The following ADAMTSL3 variants were observed in gnomAD, a reference collection of about 807,000 sequenced individuals.
ADAMTSL3 encodes ADAMTS like 3.
A neutral mutation model predicts 201.7 loss-of-function variants in ADAMTSL3; 128 were observed. That is an observed-to-expected ratio of 0.63 (90% CI 0.55 to 0.73). The LOEUF (loss-of-function observed/expected upper bound fraction) is 0.73, where lower values mean the gene tolerates loss of function less well. Among genes scored for constraint, ADAMTSL3 ranks in the 30% least tolerant of loss-of-function variants. ADAMTSL3 has a pLI of 0.00. For synonymous variants in ADAMTSL3, 738 were observed against 748.4 expected (o/e 0.99, Z 0.23); for missense variants, 1,990 against 2,119.6 (o/e 0.94, Z 1.20).
At chr15:83,839,646 A>G (rs1471205035) in intron 7 of ADAMTSL3, among the ~76,000 whole-genome samples, 1 of 152,282 alleles carries the variant, frequency 6.6e-6, no homozygotes, top group Middle Eastern at 3.4e-3. Flanking sequence ...GCCTTGATCT[A>G]GGGTAGCGTG....
At chr15:83,819,523 A>G (rs1366327812) in intron 5 of ADAMTSL3, among the ~76,000 whole-genome samples, 2 of 152,304 alleles carry the variant, frequency 1.3e-5, no homozygotes, top group African/African-American at 4.8e-5. Context: ...AAAGTTTGCC[A>G]TCTAAGTCTT....
At chr15:83,964,726 T>C (rs1483406629) in intron 19 of ADAMTSL3, among the ~76,000 whole-genome samples, 1 of 152,120 alleles carries the variant, frequency 6.6e-6, no homozygotes, top group African/African-American at 2.4e-5. Flanking sequence ...AATCGTCAGA[T>C]TTACCATGAT....
chr15:83,786,556 T>C (rs2063266339), intron 4 of ADAMTSL3, among the ~76,000 whole-genome samples: 1 of 152,222 alleles, frequency 6.6e-6, no homozygotes. Flanking sequence ...ATTCATTCTA[T>C]TGAACTATGT....
chr15:83,983,067 C>T lies in ADAMTSL3; in HGVS notation c.3439C>T (p.Pro1147Ser). ...QWRGIQEETP[P>S]AAQLRGETGS... is the part of the protein sequence containing the mutation. ...GCGGGGCATCCAGGAAGAGACACCT[C>T]CTGCTGCTCAGCTCAGAGGGGAAAC... The change falls in exon 21 of 30, where the codon CCT becomes TCT. Residue 1147 changes from proline to serine, a missense_variant. By Grantham distance (74) the Pro-to-Ser change is moderately conservative (BLOSUM62 -1). Coordinates refer to ENST00000286744, the MANE Select transcript of ADAMTSL3 (RefSeq NM_207517.3). 2 of 1,614,148 alleles carry T rather than the reference C, an allele frequency of 1.2e-6. No individual in the cohort carries two copies. The highest frequency in any genetic ancestry group is 1.7e-6 in the Non-Finnish European group (2 of 1,180,028).
At chr15:83,728,444 C>T (rs1458478203) in intron 3 of ADAMTSL3, among the ~76,000 whole-genome samples, 1 of 150,988 alleles carries the variant, frequency 6.6e-6, no homozygotes, top group African/African-American at 2.4e-5. Context: ...TTCCTATTTT[C>T]TTTTTAGTGA....
At chr15:83,721,847 T>A (rs1596087982) in intron 3 of ADAMTSL3, among the ~76,000 whole-genome samples, 1 of 152,082 alleles carries the variant, frequency 6.6e-6, no homozygotes, top group African/African-American at 2.4e-5. Context: ...ATTCTCCTAC[T>A]TCAGCCTCCT....
chr15:83,704,025 A>AAG (rs2141502466), intron 2 of ADAMTSL3, among the ~76,000 whole-genome samples: 1 of 151,388 alleles, frequency 6.6e-6, no homozygotes, highest in African/African-American at 2.4e-5. Context: ...AAAACACAAA[A>AAG]GGAAGAAGAA....
intron 20 of ADAMTSL3, among the ~76,000 whole-genome samples, chr15:83,973,537 A>C (rs754002780): frequency 6.6e-6 from 1 of 152,186 alleles, no homozygotes; most frequent in Non-Finnish European, 1.5e-5. Context: ...CACCGTGCTA[A>C]TTTGATATGT....
At chr15:83,826,913 A>T (rs922589971) in intron 6 of ADAMTSL3, among the ~76,000 whole-genome samples, 6 of 151,994 alleles carry the variant, frequency 3.9e-5, no homozygotes, top group African/African-American at 1.5e-4. Flanking sequence ...TCTATCATTG[A>T]TGGACATTTG....
chr15:83,779,647 G>A (rs1314855621), intron 4 of ADAMTSL3, among the ~76,000 whole-genome samples: 2 of 139,336 alleles, frequency 1.4e-5, no homozygotes, highest in Admixed American at 7.7e-5. Flanking sequence ...GCAGTGAGCC[G>A]AGATCGCAAC....
intron 3 of ADAMTSL3, among the ~76,000 whole-genome samples, chr15:83,761,742 T>C (rs79381811): frequency 0.05 from 7,654 of 152,316 alleles, 365 homozygotes; most frequent in East Asian, 0.23. Flanking sequence ...AAAGTATCTT[T>C]ATGTTTAAGA....
rs2068522193 is a variant in ADAMTSL3 at position 84,036,967 on chromosome 15, G to A, written c.4949G>A (p.Cys1650Tyr). ...QKKKPISWRH[C>Y]LGPSCDRDCT... is the part of the protein sequence containing the mutation. ...AAGAAACCAATTTCCTGGCGGCACTGTCTTGGGCCCTCCTGTGATAGTACG... is the reference window on the plus strand; with the variant it reads ...AAGAAACCAATTTCCTGGCGGCACTATCTTGGGCCCTCCTGTGATAGTACG... The change falls in exon 29 of 30, where the codon TGT becomes TAT. Residue 1650 changes from cysteine (C) to tyrosine (Y), a missense_variant. Transcript: ENST00000286744. 6.2e-7 allele frequency: 1 copy of A among 1,614,052 alleles called. No individual in the cohort carries two copies. The highest frequency in any genetic ancestry group is 8.5e-7 in the Non-Finnish European group (1 of 1,179,992).
At chr15:83,747,897 C>T (rs1393541906) in intron 3 of ADAMTSL3, among the ~76,000 whole-genome samples, 1 of 151,144 alleles carries the variant, frequency 6.6e-6, no homozygotes, top group Non-Finnish European at 1.5e-5. Flanking sequence ...CAGGGTGGAG[C>T]AGCCATGAGA....
intron 15 of ADAMTSL3, 81 bp from the exon 16 acceptor site, chr15:83,913,011 T>G: frequency 6.8e-7 from 1 of 1,472,980 alleles, no homozygotes. Flanking sequence ...TTGCCTTCGT[T>G]GAATGTGTCA....
rs767357554 is a variant in ADAMTSL3 at position 84,021,503 on chromosome 15, A to G, written c.4367A>G (p.Asn1456Ser). The change falls in exon 26 of 30, where the codon AAT (asparagine) becomes AGT (serine). Residue 1456 changes from asparagine to serine, a missense_variant. By Grantham distance (46) the Asn-to-Ser change is conservative. Transcript: ENST00000286744. ...CAGAGACCCCAGTGTGTGATGGCCA[A>G]TGGGCAGGAAGTGAGTGAGGCCCTG... Reference protein sequence around the residue: ...RIQRPQCVMANGQEVSEALCD... With the variant: ...RIQRPQCVMASGQEVSEALCD... 8.1e-6 allele frequency: 13 copies of G among 1,614,020 alleles called. No homozygotes were observed. The East Asian group carries it at 1.3e-4, about 17-fold the overall frequency.
At position 83,962,902 on chromosome 15, in the gene ADAMTSL3, G is replaced by A. The variant is rs115086385; in HGVS notation, c.2491-7582G>A. On this transcript the variant is annotated intron_variant, in intron 19 of 29. Coordinates refer to ENST00000286744, the MANE Select transcript of ADAMTSL3 (RefSeq NM_207517.3). Reference sequence around the variant, plus strand: ...CATGGTGGGGTGTCTCCTTACCTGGGAAGTGCAAGAGGTCAGGGAACTCCC... The same window carrying A: ...CATGGTGGGGTGTCTCCTTACCTGGAAAGTGCAAGAGGTCAGGGAACTCCC... 9.2e-4 allele frequency among the ~76,000 whole-genome samples: 140 copies of A among 152,310 alleles called. 1 individual carries two copies. Among genetic ancestry groups the A allele is most frequent in the African/African-American group, 3.3e-3 (137 of 41,562 alleles).
At chr15:83,862,253 C>T (rs551424377) in intron 8 of ADAMTSL3, 9 of 152,244 alleles carry the variant, frequency 5.9e-5, no homozygotes, top group African/African-American at 1.7e-4. Context: ...CATTCAAATT[C>T]AGGAAATACA....
At chr15:83,890,641 A>C (rs74024596) in intron 11 of ADAMTSL3, 2,143 of 166,636 alleles carry the variant, frequency 0.013, 61 homozygotes, top group African/African-American at 0.048. Flanking sequence ...AGTATAAATA[A>C]TGCATTGTGC....
rs1275751648 is a variant in ADAMTSL3, at chr15:83,820,038, C to T, written c.591C>T (p.Gly197=). 1 of 1,613,864 alleles carries T rather than the reference C, an allele frequency of 6.2e-7. No homozygotes were observed. Among genetic ancestry groups the T allele is most frequent in the South Asian group, 1.1e-5 (1 of 91,062 alleles). Residue 197 remains glycine, a synonymous_variant, in exon 6 of 30, where the codon GGC becomes GGT. Coordinates refer to ENST00000286744, the MANE Select transcript of ADAMTSL3 (RefSeq NM_207517.3). The part of the protein sequence containing the change: ...NTDSLDMCIS[G]ICQAVGCDRQ... ...ACTCCTTGGACATGTGTATCAGTGG[C>T]ATCTGTCAGGTAAGCACACTTACCT...
Sources: gnomAD v4.1 joint callset for allele counts (sites outside exome capture counted in the v4.1 genomes callset) on GRCh38, gnomAD v4.1.1 for gene constraint, MANE v1.5 for transcripts, NCBI Gene and HGNC (gene_info 2026-07-23, HGNC 2026-07-21) for gene names.